Variants in NAALADL2 observed in about 807,000 individuals in gnomAD.
The protein encoded by NAALADL2 is inactive N-acetylated-alpha-linked acidic dipeptidase-like protein 2.
Under a neutral mutation model 87.2 loss-of-function variants are expected in NAALADL2, and 76 were observed. The observed-to-expected ratio is 0.87, with a 90% CI of 0.72 to 1.05. The LOEUF is 1.05. Ranked by LOEUF, NAALADL2 falls within the 50% of genes least tolerant of loss-of-function variation. The pLI is 0.00. For synonymous variants in NAALADL2, 354 were observed against 331.0 expected (o/e 1.07, Z -0.75); for missense variants, 1,089 against 945.8 (o/e 1.15, Z -1.99).
chr3:174,897,416 A>G (rs1731686048), intron 1 of NAALADL2, among the ~76,000 whole-genome samples: 1 of 152,162 alleles, frequency 6.6e-6, no homozygotes, highest in South Asian at 2.1e-4. Context: ...TAAAAAAAAA[A>G]AAAGTGCTAA....
chr3:175,213,460 G>A (rs996125988), intron 2 of NAALADL2, among the ~76,000 whole-genome samples: 3 of 152,150 alleles, frequency 2.0e-5, no homozygotes, highest in Admixed American at 1.3e-4. Context: ...GTGTTATGGA[G>A]ATATTCATGG....
At chr3:175,292,724 A>AT (rs1755791168) in intron 4 of NAALADL2, among the ~76,000 whole-genome samples, 1 of 150,330 alleles carries the variant, frequency 6.7e-6, no homozygotes, top group Admixed American at 6.6e-5. Flanking sequence ...GGCTGTGTAC[A>AT]AAGGTCTAGG....
intron 2 of NAALADL2, among the ~76,000 whole-genome samples, chr3:175,099,997 A>G (rs1166024559): frequency 1.3e-5 from 2 of 150,908 alleles, no homozygotes; most frequent in Non-Finnish European, 3.0e-5. Flanking sequence ...ATTACAATTT[A>G]TACAAAATAT....
chr3:175,545,507 T>C (rs1243683371), intron 9 of NAALADL2, among the ~76,000 whole-genome samples: 2 of 152,110 alleles, frequency 1.3e-5, no homozygotes, highest in African/African-American at 4.8e-5. Flanking sequence ...GTTTGTTGTG[T>C]TTGCAGACAC....
intron 2 of NAALADL2, among the ~76,000 whole-genome samples, chr3:175,231,175 C>T (rs1162724222): frequency 6.6e-6 from 1 of 151,364 alleles, no homozygotes; most frequent in African/African-American, 2.4e-5. Flanking sequence ...TGTATATAAA[C>T]CTATTAAAAA....
At chr3:175,658,999 G>A (rs1731896233) in intron 11 of NAALADL2, among the ~76,000 whole-genome samples, 1 of 152,108 alleles carries the variant, frequency 6.6e-6, no homozygotes. Flanking sequence ...GCTAAAGAGT[G>A]AATTTTAATG....
intron 1 of NAALADL2, among the ~76,000 whole-genome samples, chr3:174,546,622 T>A (rs1722761216): frequency 6.6e-6 from 1 of 152,242 alleles, no homozygotes; most frequent in African/African-American, 2.4e-5. Context: ...TTACCCTTTT[T>A]CTGTCTTGTG....
intron 2 of NAALADL2, among the ~76,000 whole-genome samples, chr3:174,643,197 C>T (rs1393446687): frequency 1.3e-5 from 2 of 152,150 alleles, no homozygotes; most frequent in South Asian, 4.1e-4. Flanking sequence ...CAGAGTAGTT[C>T]CTGCTCTCAT....
chr3:174,909,430 A>G (rs766204044), intron 1 of NAALADL2, among the ~76,000 whole-genome samples: 3 of 152,036 alleles, frequency 2.0e-5, no homozygotes, highest in Non-Finnish European at 4.4e-5. Flanking sequence ...TACACACCAG[A>G]CACTTGTGCA....
chr3:174,718,802 T>A (rs1731442855), intron 2 of NAALADL2, among the ~76,000 whole-genome samples: 1 of 152,128 alleles, frequency 6.6e-6, no homozygotes, highest in Non-Finnish European at 1.5e-5. Flanking sequence ...GGCACAAATA[T>A]CAGTAGAAGG....
At chr3:174,448,090 T>C (rs1346621749) in intron 1 of NAALADL2, among the ~76,000 whole-genome samples, 2 of 152,198 alleles carry the variant, frequency 1.3e-5, no homozygotes, top group Non-Finnish European at 2.9e-5. Flanking sequence ...TGAGATATGA[T>C]TTCTGTGAGG....
chr3:175,242,215 G>A (rs141601651), intron 3 of NAALADL2, among the ~76,000 whole-genome samples: 240 of 152,134 alleles, frequency 1.6e-3, no homozygotes, highest in Middle Eastern at 3.4e-3. Context: ...TTTAGTCACC[G>A]TAATTACCAT....
chr3:175,347,214 C>G (rs1763249674), intron 5 of NAALADL2, among the ~76,000 whole-genome samples: 1 of 152,162 alleles, frequency 6.6e-6, no homozygotes, highest in South Asian at 2.1e-4. Context: ...ACATCTCTCC[C>G]TTTCGTCAAG....
chr3:175,801,721 C>T (rs2108352469), intron 13 of NAALADL2, among the ~76,000 whole-genome samples: 1 of 152,032 alleles, frequency 6.6e-6, no homozygotes, highest in East Asian at 1.9e-4. Context: ...AAGTTATTTA[C>T]CTGTTTGCCT....
chr3:175,692,278 T>A (rs908338223), intron 11 of NAALADL2, among the ~76,000 whole-genome samples: 6 of 152,154 alleles, frequency 3.9e-5, no homozygotes, highest in African/African-American at 1.4e-4. Context: ...AGTTAGTTCA[T>A]AATTGCATCT....
chr3:174,647,631 A>C (rs552990920), intron 2 of NAALADL2, among the ~76,000 whole-genome samples: 18 of 152,326 alleles, frequency 1.2e-4, no homozygotes, highest in African/African-American at 4.1e-4. Context: ...GCCAATTTAC[A>C]CTGGGTGTGG....
rs184792017 is a variant in NAALADL2 at position 174,929,608 on chromosome 3, A to C, written c.43+70158A>C. Among the ~76,000 whole-genome samples the C allele has an allele frequency of 9.8e-4, 149 of 152,250 alleles. 1 individual carries two copies. The highest frequency in any genetic ancestry group is 1.8e-3 in the Non-Finnish European group (123 of 68,008). ...TATGAAAATTTATTTTATTTTTGCTATCTGTTTGATTGAGAAAATAATGTT... is the reference window on the plus strand; with the variant it reads ...TATGAAAATTTATTTTATTTTTGCTCTCTGTTTGATTGAGAAAATAATGTT... On this transcript the variant is annotated intron_variant, in intron 1 of 13. Coordinates refer to ENST00000454872, the MANE Select transcript of NAALADL2 (RefSeq NM_207015.3).
chr3:175,263,512 G>A (rs1238374514), intron 4 of NAALADL2, among the ~76,000 whole-genome samples: 1 of 151,804 alleles, frequency 6.6e-6, no homozygotes, highest in Non-Finnish European at 1.5e-5. Flanking sequence ...TAATTTAATT[G>A]TACTTTTGAA....
intron 5 of NAALADL2, among the ~76,000 whole-genome samples, chr3:175,368,019 A>G (rs1227853086): frequency 6.6e-6 from 1 of 152,098 alleles, no homozygotes; most frequent in African/African-American, 2.4e-5. Context: ...TATTATTTTG[A>G]GATACATCCC....
Sources: gnomAD v4.1 joint callset for allele counts (sites outside exome capture counted in the v4.1 genomes callset) on GRCh38, gnomAD v4.1.1 for gene constraint, MANE v1.5 for transcripts, NCBI Gene and HGNC (gene_info 2026-07-23, HGNC 2026-07-21) for gene names.